ADGRB3: variants seen among roughly 807,000 people sequenced by gnomAD.
ADGRB3 encodes brain-specific angiogenesis inhibitor 3.
In ADGRB3, 37 loss-of-function variants were observed where a neutral mutation model predicts 193.4. The ratio of observed to expected loss-of-function variants is 0.19; its 90% CI spans 0.15 to 0.25. The LOEUF is 0.25. Among genes scored for constraint, ADGRB3 ranks in the 10% least tolerant of loss-of-function variants. ADGRB3 has a pLI of 1.00. For synonymous variants in ADGRB3, 690 were observed against 644.2 expected (o/e 1.07, Z -1.08); for missense variants, 1,637 against 1,852.9 (o/e 0.88, Z 2.14).
intron 17 of ADGRB3, among the ~76,000 whole-genome samples, chr6:69,189,381 T>C (rs1765139285): frequency 6.6e-6 from 1 of 152,208 alleles, no homozygotes; most frequent in East Asian, 1.9e-4. Flanking sequence ...ATTTCTACTT[T>C]TGTCCACATT....
chr6:68,772,615 A>G (rs1163574685), intron 3 of ADGRB3, among the ~76,000 whole-genome samples: 1 of 152,026 alleles, frequency 6.6e-6, no homozygotes, highest in East Asian at 1.9e-4. Flanking sequence ...TCTAATGAGA[A>G]AAGTCAAGAC....
At chr6:68,790,167 T>C (rs1462773987) in intron 3 of ADGRB3, among the ~76,000 whole-genome samples, 1 of 152,194 alleles carries the variant, frequency 6.6e-6, no homozygotes, top group Admixed American at 6.5e-5. Context: ...AAAGTCATTT[T>C]CCTTATCACC....
chr6:68,673,062 A>G (rs1319252662), intron 3 of ADGRB3, among the ~76,000 whole-genome samples: 1 of 151,896 alleles, frequency 6.6e-6, no homozygotes, highest in Admixed American at 6.6e-5. Flanking sequence ...GTGTGTGTAT[A>G]CGTATGTGTT....
Position 69,389,164 on chromosome 6 carries a change from G to T in ADGRB3, c.*273G>T. ...AGATAAACCTCAAGCAACGATTCAT[G>T]TTGTAACCGCTTCATATGGTTTAGT... On this transcript the variant is annotated 3_prime_UTR_variant, in exon 32 of 32. Transcript: ENST00000370598. 1 of 255,722 alleles carries T rather than the reference G, an allele frequency of 3.9e-6. No homozygotes were observed. Among genetic ancestry groups the T allele is most frequent in the Non-Finnish European group, 7.5e-6 (1 of 133,190 alleles). The allele number at this position is 255,722 out of a possible 1,614,324, so 15.8% of individuals were successfully genotyped here.
At chr6:68,741,907 A>T (rs1432756188) in intron 3 of ADGRB3, among the ~76,000 whole-genome samples, 1 of 152,220 alleles carries the variant, frequency 6.6e-6, no homozygotes, top group Non-Finnish European at 1.5e-5. Context: ...CAAATTCATT[A>T]TCATTCACGA....
chr6:68,713,326 G>C (rs781089959), intron 3 of ADGRB3, among the ~76,000 whole-genome samples: 3 of 151,772 alleles, frequency 2.0e-5, no homozygotes, highest in Non-Finnish European at 4.4e-5. Flanking sequence ...CATTGAAAAT[G>C]CTTCATATCT....
intron 17 of ADGRB3, among the ~76,000 whole-genome samples, chr6:69,097,885 AT>A (rs1427382713): frequency 2.6e-5 from 4 of 152,090 alleles, no homozygotes; most frequent in Admixed American, 6.6e-5. Flanking sequence ...TAATGTAAAC[AT>A]TTATGAGTTA....
At chr6:68,712,648 G>A (rs990264144) in intron 3 of ADGRB3, among the ~76,000 whole-genome samples, 2 of 151,790 alleles carry the variant, frequency 1.3e-5, no homozygotes, top group African/African-American at 4.8e-5. Flanking sequence ...GAAAAACAGA[G>A]GGAAAAATAT....
chr6:68,896,902 G>T (rs1360839939), intron 3 of ADGRB3, among the ~76,000 whole-genome samples: 2 of 152,032 alleles, frequency 1.3e-5, no homozygotes, highest in Non-Finnish European at 2.9e-5. Context: ...ACTTTAAACA[G>T]ACTAACCTAA....
chr6:69,279,591 G>C (rs551868319), intron 20 of ADGRB3, among the ~76,000 whole-genome samples: 73 of 152,044 alleles, frequency 4.8e-4, no homozygotes, highest in Middle Eastern at 6.8e-3. Flanking sequence ...GTACTCTCTA[G>C]AATAACTATT....
At chr6:69,371,037 AAAGT>A (rs1157917972) in intron 29 of ADGRB3, among the ~76,000 whole-genome samples, 10 of 152,072 alleles carry the variant, frequency 6.6e-5, no homozygotes, top group Admixed American at 1.3e-4. Context: ...AGACAAGAAG[AAAGT>A]GAGATCAACC....
intron 17 of ADGRB3, among the ~76,000 whole-genome samples, chr6:69,154,754 C>G (rs1384545525): frequency 6.6e-6 from 1 of 152,156 alleles, no homozygotes; most frequent in African/African-American, 2.4e-5. Flanking sequence ...AATGCCTACC[C>G]CATAGTAGAT....
intron 20 of ADGRB3, among the ~76,000 whole-genome samples, chr6:69,251,371 T>C (rs978218383): frequency 6.6e-6 from 1 of 152,176 alleles, no homozygotes; most frequent in Non-Finnish European, 1.5e-5. Flanking sequence ...GAACCCATTT[T>C]TTTTTTACAG....
chr6:69,099,668 T>C (rs1242671356), intron 17 of ADGRB3, among the ~76,000 whole-genome samples: 1 of 152,188 alleles, frequency 6.6e-6, no homozygotes, highest in African/African-American at 2.4e-5. Flanking sequence ...ATATAAACAC[T>C]CTGAATACAT....
At chr6:69,003,488 C>T (rs1769646064) in intron 11 of ADGRB3, among the ~76,000 whole-genome samples, 1 of 152,110 alleles carries the variant, frequency 6.6e-6, no homozygotes, top group Non-Finnish European at 1.5e-5. Flanking sequence ...TTGCTTCAAT[C>T]AATAGCCAGG....
At chr6:68,813,177 T>G (rs976236891) in intron 3 of ADGRB3, among the ~76,000 whole-genome samples, 1 of 152,122 alleles carries the variant, frequency 6.6e-6, no homozygotes, top group Non-Finnish European at 1.5e-5. Flanking sequence ...TATCAGCGGT[T>G]TCCACTTTTG....
intron 11 of ADGRB3, among the ~76,000 whole-genome samples, chr6:68,998,123 A>G (rs751268615): frequency 6.6e-6 from 1 of 152,202 alleles, no homozygotes; most frequent in Admixed American, 6.5e-5. Flanking sequence ...TAGCTTGACA[A>G]CTTCATAAAT....
chr6:69,142,512 A>G (rs962367140), intron 17 of ADGRB3, among the ~76,000 whole-genome samples: 18 of 152,210 alleles, frequency 1.2e-4, no homozygotes, highest in Admixed American at 3.9e-4. Context: ...TAACAGGTGC[A>G]GAATACATCC....
intron 20 of ADGRB3, among the ~76,000 whole-genome samples, chr6:69,283,940 TTACTATACTCTG>T (rs796951652): frequency 3.9e-5 from 6 of 152,090 alleles, no homozygotes; most frequent in African/African-American, 1.2e-4. Context: ...GCATGAGAAG[TTACTATACTCTG>T]TAAGCTCTTC....
Sources: gnomAD v4.1 joint callset for allele counts (sites outside exome capture counted in the v4.1 genomes callset) on GRCh38, gnomAD v4.1.1 for gene constraint, MANE v1.5 for transcripts, NCBI Gene and HGNC (gene_info 2026-07-23, HGNC 2026-07-21) for gene names.